TRAPPC11: variants seen among roughly 807,000 people sequenced by gnomAD.
TRAPPC11 encodes trafficking protein particle complex subunit 11.
A neutral mutation model predicts 151.2 loss-of-function variants in TRAPPC11; 104 were observed. The ratio of observed to expected loss-of-function variants is 0.69; its 90% CI spans 0.59 to 0.81. The LOEUF (loss-of-function observed/expected upper bound fraction) is 0.81. Among genes scored for constraint, TRAPPC11 ranks in the 30% least tolerant of loss-of-function variants. The pLI, the probability that TRAPPC11 is intolerant of heterozygous loss-of-function variation, is 0.00. For synonymous variants in TRAPPC11, 456 were observed against 472.3 expected (o/e 0.97, Z 0.45); for missense variants, 1,230 against 1,349.6 (o/e 0.91, Z 1.39).
intron 27 of TRAPPC11, among the ~76,000 whole-genome samples, chr4:183,706,301 A>G (rs1214010011): frequency 6.6e-6 from 1 of 152,208 alleles, no homozygotes; most frequent in African/African-American, 2.4e-5. Context: ...AGGTGGGTGG[A>G]TCACGAGGTC....
intron 27 of TRAPPC11, 138 bp from the exon 28 acceptor site, chr4:183,706,669 T>C: frequency 1.1e-6 from 1 of 894,642 alleles, no homozygotes; most frequent in Non-Finnish European, 1.6e-6. Flanking sequence ...TCAAAGAATT[T>C]TCTTATCCGG....
rs201906372 is a variant in TRAPPC11, at chr4:183,708,521, A to G, written c.3304A>G (p.Asn1102Asp). 4 of 1,614,116 alleles carry G rather than the reference A, an allele frequency of 2.5e-6. 1 individual carries two copies. The highest frequency in any genetic ancestry group is 3.3e-4 in the Middle Eastern group (2 of 6,062). ...CAACATCAACTTGCTTAGATTTCCT[A>G]ACTTCACAAATCAGCTGCTCAGGCG... The part of the protein sequence containing the change: ...SLNINLLRFP[N>D]FTNQLLRRFI... The change falls in exon 29 of 30, where the codon AAC (asparagine) becomes GAC (aspartate). Residue 1102 changes from asparagine (N) to aspartate (D), a missense_variant. Transcript: ENST00000334690.
intron 1 of TRAPPC11, among the ~76,000 whole-genome samples, chr4:183,663,393 C>T (rs1474726456): frequency 6.6e-6 from 1 of 152,164 alleles, no homozygotes; most frequent in Non-Finnish European, 1.5e-5. Context: ...ACCACCACGC[C>T]CGGCTAATTT....
chr4:183,660,402 T>TA (rs1248457314), intron 1 of TRAPPC11, among the ~76,000 whole-genome samples: 9 of 152,222 alleles, frequency 5.9e-5, no homozygotes, highest in Admixed American at 5.9e-4. Context: ...AAAGGTAAAA[T>TA]ATGTCATTAA....
intron 7 of TRAPPC11, 45 bp from the exon 8 acceptor site, chr4:183,677,413 C>T (rs574558699): frequency 2.2e-5 from 24 of 1,106,238 alleles, no homozygotes; most frequent in South Asian, 1.1e-4. Flanking sequence ...TCTTAGAAAT[C>T]GTTTATTAAA....
chr4:183,665,342 C>G (rs182359526), intron 2 of TRAPPC11, among the ~76,000 whole-genome samples: 2,238 of 152,164 alleles, frequency 0.015, 58 homozygotes, highest in African/African-American at 0.05. Flanking sequence ...GATCTGCCCA[C>G]CTTGGCCTCC....
intron 10 of TRAPPC11, 29 bp from the exon 11 acceptor site, chr4:183,682,703 A>C (rs370205023): frequency 2.6e-6 from 4 of 1,521,388 alleles, no homozygotes; most frequent in Non-Finnish European, 3.6e-6. Context: ...TCCATAAACT[A>C]TTATTTAGGT....
chr4:183,680,013 C>T, intron 9 of TRAPPC11, 107 bp from the exon 10 acceptor site: 1 of 855,168 alleles, frequency 1.2e-6, no homozygotes, highest in Admixed American at 2.7e-5. Context: ...ATCAATAGCA[C>T]CATTTTAACA....
rs1370263613 is a variant in TRAPPC11 at position 183,708,348 on chromosome 4, T to C, written c.3190-59T>C. The C allele has an allele frequency of 9.2e-6, 14 of 1,529,142 alleles. No individual in the cohort carries two copies. The Admixed American group carries it at 2.4e-4, about 26-fold the overall frequency. The allele number at this position is 1,529,142 out of a possible 1,614,324, so 94.7% of individuals were successfully genotyped here. A position where few individuals can be genotyped will look rare whatever the true frequency, so the allele number is the denominator to read the frequency against. On this transcript the variant is annotated intron_variant, in intron 28 of 29. Coordinates refer to ENST00000334690, the MANE Select transcript of TRAPPC11 (RefSeq NM_021942.6). ...TTGTAAATAATTGAGGGTAACAACATATAGATATTGCACATATGTGTATTT... is the reference window on the plus strand; with the variant it reads ...TTGTAAATAATTGAGGGTAACAACACATAGATATTGCACATATGTGTATTT...
rs1263586954 is a variant in TRAPPC11, at chr4:183,712,910, G to A, written c.*266G>A. On this transcript the variant is annotated 3_prime_UTR_variant, in exon 30 of 30. Coordinates refer to ENST00000334690, the MANE Select transcript of TRAPPC11 (RefSeq NM_021942.6). ...ATTGTTGAAAGTCATTTGATGAATG[G>A]TAAATTCTATGAAAAGTAAGTGATT... 2.4e-6 allele frequency: 1 copy of A among 425,408 alleles called. No homozygotes were observed. Among genetic ancestry groups the A allele is most frequent in the African/African-American group, 2.0e-5 (1 of 49,246 alleles). 26.4% of individuals were successfully genotyped at this position (425,408 alleles called of 1,614,324 possible). A position where few individuals can be genotyped will look rare whatever the true frequency, so the allele number is the denominator to read the frequency against.
At chr4:183,701,510 T>G (rs763154020) in intron 25 of TRAPPC11, 187 bp from the exon 26 acceptor site, 1 of 526,740 alleles carries the variant, frequency 1.9e-6, no homozygotes, top group Admixed American at 3.3e-5. Flanking sequence ...TATTGGTACA[T>G]TAGCAAAAAC....
chr4:183,672,639 C>T (rs971415002), intron 5 of TRAPPC11, among the ~76,000 whole-genome samples: 15 of 152,158 alleles, frequency 9.9e-5, no homozygotes, highest in Admixed American at 7.9e-4. Flanking sequence ...TAGCCTGTTA[C>T]GGTTAAAGCG....
intron 8 of TRAPPC11, among the ~76,000 whole-genome samples, chr4:183,678,081 G>A (rs1188582393): frequency 6.6e-6 from 1 of 151,958 alleles, no homozygotes; most frequent in African/African-American, 2.4e-5. Context: ...TGGGAGTACA[G>A]GCATGCGCCA....
intron 18 of TRAPPC11, among the ~76,000 whole-genome samples, chr4:183,690,188 C>T (rs779664113): frequency 3.3e-5 from 5 of 150,140 alleles, no homozygotes; most frequent in Admixed American, 2.0e-4. Context: ...AGTGAGACTC[C>T]GTCTTAAAAG....
intron 6 of TRAPPC11, 70 bp from the exon 7 acceptor site, chr4:183,675,094 A>C (rs1241195543): frequency 1.2e-6 from 1 of 819,232 alleles, no homozygotes; most frequent in African/African-American, 1.8e-5. Context: ...ATGTCTCCTC[A>C]TAATAAACAT....
intron 5 of TRAPPC11, among the ~76,000 whole-genome samples, chr4:183,673,663 G>C (rs1217638728): frequency 6.6e-6 from 1 of 152,002 alleles, no homozygotes; most frequent in Non-Finnish European, 1.5e-5. Context: ...AACAGAGCGG[G>C]ACCCTGTCTC....
intron 9 of TRAPPC11, among the ~76,000 whole-genome samples, 200 bp downstream of exon 9, chr4:183,679,686 G>A (rs1735581890): frequency 6.6e-6 from 1 of 152,088 alleles, no homozygotes; most frequent in Non-Finnish European, 1.5e-5. Flanking sequence ...TTAATTCATG[G>A]TACCATCTTT....
chr4:183,686,570 C>T (rs1018329843), intron 17 of TRAPPC11, 48 bp from the exon 18 acceptor site: 15 of 1,599,312 alleles, frequency 9.4e-6, no homozygotes, highest in South Asian at 5.6e-5. Context: ...GTGTGTGGGT[C>T]GTGGGTATCT....
chr4:183,674,917 G>A (rs1197161764), intron 6 of TRAPPC11, 105 bp downstream of exon 6: 5 of 696,694 alleles, frequency 7.2e-6, no homozygotes, highest in Non-Finnish European at 1.2e-5. Context: ...AATGGTTTCA[G>A]CATTTCTAAA....
Sources: allele counts gnomAD v4.1 joint callset (sites outside exome capture counted in the v4.1 genomes callset), GRCh38; gene constraint gnomAD v4.1.1; transcripts MANE v1.5; gene names NCBI Gene and HGNC (gene_info 2026-07-23, HGNC 2026-07-21).